DOCK3: variants seen among roughly 807,000 people sequenced by gnomAD.
DOCK3 encodes dedicator of cytokinesis protein 3.
Under a neutral mutation model 265.6 loss-of-function variants are expected in DOCK3, and 60 were observed. The observed-to-expected ratio is 0.23, with a 90% CI of 0.18 to 0.28. The LOEUF is 0.28. DOCK3 is among the 10% of genes least tolerant of loss of function. The pLI is 1.00. For missense variants in DOCK3, 1,981 were observed against 2,594.3 expected (o/e 0.76, Z 5.14); for synonymous variants, 881 against 938.0 (o/e 0.94, Z 1.11).
intron 4 of DOCK3, among the ~76,000 whole-genome samples, chr3:50,927,795 A>G (rs2050841167): frequency 6.6e-6 from 1 of 152,126 alleles, no homozygotes; most frequent in African/African-American, 2.4e-5. Context: ...CACCTAATGG[A>G]AGACAGTGTG....
chr3:50,784,838 G>A (rs1292416430), intron 2 of DOCK3, among the ~76,000 whole-genome samples: 2 of 152,174 alleles, frequency 1.3e-5, no homozygotes, highest in African/African-American at 4.8e-5. Flanking sequence ...GTGTGTAGCA[G>A]TGCTACAAAT....
chr3:50,988,219 G>A (rs927079486), intron 5 of DOCK3, among the ~76,000 whole-genome samples: 2 of 152,154 alleles, frequency 1.3e-5, no homozygotes, highest in Non-Finnish European at 2.9e-5. Flanking sequence ...TGAGCTCCCC[G>A]GGGACAGAAG....
At chr3:50,739,547 C>G (rs1398687117) in intron 1 of DOCK3, among the ~76,000 whole-genome samples, 1 of 152,132 alleles carries the variant, frequency 6.6e-6, no homozygotes, top group Non-Finnish European at 1.5e-5. Flanking sequence ...AATGTTTAAG[C>G]TCTTCGTGGT....
Position 51,237,551 on chromosome 3 carries a change from C to T in DOCK3, c.2063C>T (p.Thr688Met), listed in dbSNP as rs758744271. Residue 688 changes from threonine (T) to methionine (M), a missense_variant, in exon 21 of 53, where the codon ACG becomes ATG. Thr to Met is a moderately conservative substitution (Grantham distance 81, BLOSUM62 -1). This residue lies in a region of DOCK3 where 1,357 missense variants were observed against 1,866.8 expected (regional missense o/e 0.73). Transcript: ENST00000266037. ...TTTCACTTTCGACCTGTGATGGACA[C>T]GTATATCCAGAAGCACTTTGCTGGA... The part of the protein sequence containing the change: ...KYFHFRPVMD[T>M]YIQKHFAGAL... 8 of 1,613,570 alleles carry T rather than the reference C, an allele frequency of 5.0e-6. No individual in the cohort carries two copies. Among genetic ancestry groups the T allele is most frequent in the Non-Finnish European group, 6.8e-6 (8 of 1,179,786 alleles).
rs149717554 is a variant in DOCK3 at position 51,227,167 on chromosome 3, T to G, written c.1378-116T>G. 201 of 1,168,492 alleles carry G rather than the reference T, an allele frequency of 1.7e-4. 1 individual carries two copies. In the East Asian group the frequency reaches 4.4e-3, roughly 25 times the overall value. 72.4% of individuals were successfully genotyped at this position (1,168,492 alleles called of 1,614,324 possible). A position where few individuals can be genotyped will look rare whatever the true frequency, so the allele number is the denominator to read the frequency against. Reference sequence around the variant, plus strand: ...AAATGCATTTTCTTATCTCATAGATTTTGCTTAGAGCAAAAATGAGACCTT... The same window carrying G: ...AAATGCATTTTCTTATCTCATAGATGTTGCTTAGAGCAAAAATGAGACCTT... On this transcript the variant is annotated intron_variant, in intron 15 of 52. Coordinates refer to ENST00000266037, the MANE Select transcript of DOCK3 (RefSeq NM_004947.5).
intron 5 of DOCK3, among the ~76,000 whole-genome samples, chr3:50,982,445 T>A (rs1575674877): frequency 6.6e-6 from 1 of 151,384 alleles, no homozygotes; most frequent in Admixed American, 6.6e-5. Flanking sequence ...AGTGGGGAGG[T>A]GCAAGCAGTG....
chr3:50,680,782 G>T (rs1202166926), intron 1 of DOCK3, among the ~76,000 whole-genome samples: 1 of 151,896 alleles, frequency 6.6e-6, no homozygotes, highest in African/African-American at 2.4e-5. Flanking sequence ...GGGTTTACAG[G>T]TATGAGCCAC....
chr3:50,829,586 A>C lies in DOCK3; in HGVS notation c.122-12089A>C, dbSNP rs534610663. Among the ~76,000 whole-genome samples, 6 of 152,264 alleles carry C rather than the reference A, an allele frequency of 3.9e-5. No homozygotes were observed. In the East Asian group the frequency reaches 9.6e-4, roughly 24 times the overall value. ...TGCTGGTATGCCCTCAGAAAAAAAA[A>C]GTCAGGTGAATGAGGAGCTCACCTT... is the stretch of plus-strand genomic sequence containing the variant. On this transcript the variant is annotated intron_variant, in intron 2 of 52. Transcript: ENST00000266037.
chr3:51,131,615 T>G lies in DOCK3; in HGVS notation c.747-14934T>G, dbSNP rs1576184545. 2.6e-5 allele frequency among the ~76,000 whole-genome samples: 4 copies of G among 152,254 alleles called. No individual in the cohort carries two copies. In the South Asian group the frequency reaches 8.3e-4, roughly 32 times the overall value. On this transcript the variant is annotated intron_variant, in intron 9 of 52. Coordinates refer to ENST00000266037, the MANE Select transcript of DOCK3 (RefSeq NM_004947.5). Reference sequence around the variant, plus strand: ...CCTAGAAATTTTCTGCTTGTATAAATTAAGTAGGAATGCAGTAGGCTTCCT... The same window carrying G: ...CCTAGAAATTTTCTGCTTGTATAAAGTAAGTAGGAATGCAGTAGGCTTCCT...
rs2035795025 is a variant in DOCK3, at chr3:50,698,517, G to GTTTTTGTTTTTTTTTTTTTTT, written c.37+23222_37+23223insGTTTTTTTTTTTTTTTTTTTT. ...GTTTCTCTGTGGATGTATGTTTTTG[G>GTTTTTGTTTTTTTTTTTTTTT]TTTTTTTTTTTTTTTTTTTTTTTTT... On this transcript the variant is annotated intron_variant, in intron 1 of 52. Transcript: ENST00000266037. 1.0e-4 allele frequency among the ~76,000 whole-genome samples: 2 copies of GTTTTTGTTTTTTTTTTTTTTT among 19,506 alleles called. 1 individual carries two copies. The highest frequency in any genetic ancestry group is 1.1e-3 in the Admixed American group (2 of 1,886). 12.8% of individuals were successfully genotyped at this position (19,506 alleles called of 152,430 possible). A position where few individuals can be genotyped will look rare whatever the true frequency, so the allele number is the denominator to read the frequency against.
intron 27 of DOCK3, among the ~76,000 whole-genome samples, chr3:51,297,288 T>C (rs950650921): frequency 2.6e-5 from 4 of 152,170 alleles, no homozygotes; most frequent in African/African-American, 7.2e-5. Flanking sequence ...AGCAGTAGTT[T>C]CGTAGATATA....
At chr3:50,861,045 G>T (rs2046885163) in intron 3 of DOCK3, among the ~76,000 whole-genome samples, 1 of 152,192 alleles carries the variant, frequency 6.6e-6, no homozygotes, top group Non-Finnish European at 1.5e-5. Context: ...TGAAAGTCCT[G>T]GTTTAGTGGG....
intron 9 of DOCK3, among the ~76,000 whole-genome samples, chr3:51,122,021 G>C (rs2106756897): frequency 6.6e-6 from 1 of 152,234 alleles, no homozygotes; most frequent in East Asian, 1.9e-4. Flanking sequence ...GTCTGTACTT[G>C]ATAACTGCTC....
At chr3:51,132,604 A>G (rs377762477) in intron 9 of DOCK3, among the ~76,000 whole-genome samples, 105 of 152,256 alleles carry the variant, frequency 6.9e-4, no homozygotes, top group African/African-American at 2.5e-3. Context: ...TTGTCCACCA[A>G]ACTTAGGAGC....
chr3:51,250,401 C>A (rs199757623), intron 22 of DOCK3, among the ~76,000 whole-genome samples: 18 of 152,096 alleles, frequency 1.2e-4, no homozygotes, highest in Non-Finnish European at 1.9e-4. Context: ...GGCGGATCAC[C>A]TGAGGTCAGG....
intron 35 of DOCK3, among the ~76,000 whole-genome samples, chr3:51,335,073 T>C (rs1054140246): frequency 2.0e-4 from 30 of 152,218 alleles, no homozygotes; most frequent in Non-Finnish European, 3.5e-4. Flanking sequence ...ATAATGTTGA[T>C]GATGGCCCCT....
intron 3 of DOCK3, among the ~76,000 whole-genome samples, chr3:50,847,882 C>CAAAAA (rs3043428): frequency 0.63 from 60,820 of 97,056 alleles, 20,438 homozygotes; most frequent in South Asian, 0.74. Flanking sequence ...GGCTCCATTT[C>CAAAAA]AAAAAAAAAA....
chr3:50,778,598 A>T (rs938049523), intron 1 of DOCK3, 77 bp from the exon 2 acceptor site: 5 of 1,045,986 alleles, frequency 4.8e-6, no homozygotes, highest in Non-Finnish European at 7.0e-6. Flanking sequence ...AAGAAAATTT[A>T]GTGCTTAATT....
chr3:51,100,901 T>C (rs970104099), intron 9 of DOCK3, among the ~76,000 whole-genome samples: 9 of 151,868 alleles, frequency 5.9e-5, no homozygotes, highest in Middle Eastern at 3.4e-3. Flanking sequence ...CTCAAGTGAT[T>C]CTCCTGCCTC....
Sources: gnomAD v4.1 joint callset for allele counts (sites outside exome capture counted in the v4.1 genomes callset) on GRCh38, gnomAD v4.1.1 for gene constraint, gnomAD v4.1.1 regional missense constraint, MANE v1.5 for transcripts, NCBI Gene and HGNC (gene_info 2026-07-23, HGNC 2026-07-21) for gene names.